The following SLC24A2 variants were observed in gnomAD, a reference collection of about 807,000 sequenced individuals.
The protein encoded by SLC24A2 is solute carrier family 24 member 2.
In SLC24A2, 36 loss-of-function variants were observed where a neutral mutation model predicts 62.0. The ratio of observed to expected loss-of-function variants is 0.58; its 90% CI spans 0.44 to 0.77. The LOEUF (loss-of-function observed/expected upper bound fraction) is 0.77. Ranked by LOEUF, SLC24A2 falls within the 30% of genes least tolerant of loss-of-function variation. The pLI, the probability that SLC24A2 is intolerant of heterozygous loss-of-function variation, is 0.00. For synonymous variants in SLC24A2, 358 were observed against 294.0 expected (o/e 1.22, Z -2.23); for missense variants, 846 against 817.9 (o/e 1.03, Z -0.42).
intron 2 of SLC24A2, among the ~76,000 whole-genome samples, chr9:19,719,692 C>T (rs1820967010): frequency 1.3e-5 from 2 of 152,198 alleles, no homozygotes; most frequent in Admixed American, 6.5e-5. Flanking sequence ...ACAAGAATAT[C>T]AGCAAGTTCA....
chr9:20,113,712 C>T, the SLC24A2 span, among the ~76,000 whole-genome samples: 31 of 152,032 alleles, frequency 2.0e-4, no homozygotes, highest in Non-Finnish European at 3.4e-4. Context: ...TATTAAACAG[C>T]ATATATATAC....
chr9:19,533,762 T>C (rs1257764209), intron 8 of SLC24A2, among the ~76,000 whole-genome samples: 1 of 152,204 alleles, frequency 6.6e-6, no homozygotes, highest in African/African-American at 2.4e-5. Flanking sequence ...AAATGTCTTG[T>C]ATTAAGCCAC....
chr9:19,818,222 C>A, the SLC24A2 span, among the ~76,000 whole-genome samples: 2 of 152,076 alleles, frequency 1.3e-5, no homozygotes, highest in Non-Finnish European at 2.9e-5. Flanking sequence ...CTCTGTTTTT[C>A]ACAAAGTCTC....
the SLC24A2 span, among the ~76,000 whole-genome samples, chr9:20,041,779 CG>C: frequency 2.0e-5 from 3 of 152,250 alleles, no homozygotes; most frequent in Non-Finnish European, 4.4e-5. Context: ...AGTAGCCAGT[CG>C]GGGGTCTAAG....
chr9:19,947,804 A>G, the SLC24A2 span, among the ~76,000 whole-genome samples: 41 of 21,676 alleles, frequency 1.9e-3, no homozygotes, highest in African/African-American at 4.2e-3. Context: ...AAAAAAAAAA[A>G]AAAAAAAGAA....
chr9:20,253,105 T>C, the SLC24A2 span, among the ~76,000 whole-genome samples: 1 of 152,192 alleles, frequency 6.6e-6, no homozygotes, highest in Non-Finnish European at 1.5e-5. Flanking sequence ...AATTTTAGGA[T>C]AGGCTAGAGG....
rs762626194 is a variant in SLC24A2, at chr9:19,605,548, A to G, written c.1079-8269T>C. ...TCGGTTCCCATGTTATCTTATAGAT[A>G]GGTATACCAGGACCTGAAGATATGG... On this transcript the variant is annotated intron_variant, in intron 4 of 10. Coordinates refer to ENST00000341998, the MANE Select transcript of SLC24A2 (RefSeq NM_020344.4). 4.5e-4 allele frequency among the ~76,000 whole-genome samples: 68 copies of G among 152,244 alleles called. 1 individual carries two copies. The highest frequency in any genetic ancestry group is 5.4e-4 in the Non-Finnish European group (37 of 68,046).
At chr9:20,195,535 C>T in the SLC24A2 span, among the ~76,000 whole-genome samples, 8 of 151,892 alleles carry the variant, frequency 5.3e-5, no homozygotes, top group Non-Finnish European at 8.8e-5. Context: ...GGTTGTCTGC[C>T]TTTTTCTCTC....
At chr9:19,635,844 T>C (rs1290119292) in intron 2 of SLC24A2, among the ~76,000 whole-genome samples, 1 of 152,240 alleles carries the variant, frequency 6.6e-6, no homozygotes, top group African/African-American at 2.4e-5. Context: ...ACGTTTCATA[T>C]GTTTATCTTC....
chr9:19,625,245 AG>A (rs1437017207), intron 2 of SLC24A2, among the ~76,000 whole-genome samples: 1 of 152,192 alleles, frequency 6.6e-6, no homozygotes, highest in Non-Finnish European at 1.5e-5. Flanking sequence ...TTAATATGAA[AG>A]CCCAATTCCT....
At chr9:20,279,475 G>A in the SLC24A2 span, among the ~76,000 whole-genome samples, 1 of 152,178 alleles carries the variant, frequency 6.6e-6, no homozygotes, top group Admixed American at 6.5e-5. Flanking sequence ...AGGATGCAGA[G>A]AGCTGAGATC....
chr9:20,286,581 G>T, the SLC24A2 span, among the ~76,000 whole-genome samples: 5 of 152,308 alleles, frequency 3.3e-5, no homozygotes, highest in South Asian at 6.2e-4. Flanking sequence ...ATGCTGCAAG[G>T]GGGGGCTGAG....
the SLC24A2 span, among the ~76,000 whole-genome samples, chr9:19,977,393 AG>A: frequency 6.6e-6 from 1 of 152,132 alleles, no homozygotes; most frequent in South Asian, 2.1e-4. Flanking sequence ...ATAGAGATAA[AG>A]GAGAAAAATA....
the SLC24A2 span, among the ~76,000 whole-genome samples, chr9:20,146,201 A>G: frequency 1.3e-5 from 2 of 152,164 alleles, no homozygotes; most frequent in South Asian, 2.1e-4. Flanking sequence ...TTATTAATAT[A>G]TCAAAAGAAA....
chr9:20,014,456 G>C, the SLC24A2 span, among the ~76,000 whole-genome samples: 2 of 149,220 alleles, frequency 1.3e-5, no homozygotes, highest in Non-Finnish European at 3.0e-5. Flanking sequence ...ATTTACGACA[G>C]TCAAGATATG....
the SLC24A2 span, among the ~76,000 whole-genome samples, chr9:20,111,168 C>T: frequency 2.1e-4 from 32 of 152,294 alleles, no homozygotes; most frequent in East Asian, 2.5e-3. Context: ...CCTTGCCCTA[C>T]TGCATTTGGT....
At chr9:19,787,537 G>C (rs923397398) in intron 1 of SLC24A2, among the ~76,000 whole-genome samples, 2 of 152,146 alleles carry the variant, frequency 1.3e-5, no homozygotes, top group African/African-American at 4.8e-5. Context: ...TTTGGAAAGT[G>C]AGTGATTCTT....
chr9:19,962,076 A>G, the SLC24A2 span, among the ~76,000 whole-genome samples: 1 of 152,226 alleles, frequency 6.6e-6, no homozygotes, highest in Non-Finnish European at 1.5e-5. Context: ...TTCCCACACC[A>G]TCTGTGTTAG....
the SLC24A2 span, among the ~76,000 whole-genome samples, chr9:19,845,064 C>T: frequency 6.6e-6 from 1 of 151,278 alleles, no homozygotes; most frequent in East Asian, 1.9e-4. Flanking sequence ...GACATTGGTA[C>T]TTTGATAGGA....
Sources: allele counts gnomAD v4.1 joint callset (sites outside exome capture counted in the v4.1 genomes callset), GRCh38; gene constraint gnomAD v4.1.1; transcripts MANE v1.5; gene names NCBI Gene and HGNC (gene_info 2026-07-23, HGNC 2026-07-21).